The following ENTPD3 variants were observed in gnomAD, a reference collection of about 807,000 sequenced individuals.
The protein encoded by ENTPD3 is CD39 antigen-like 3.
In ENTPD3, 60 loss-of-function variants were observed where a neutral mutation model predicts 51.2. The ratio of observed to expected loss-of-function variants is 1.17; its 90% CI spans 0.95 to 1.45. ENTPD3 has a LOEUF of 1.45. Ranked by LOEUF, ENTPD3 falls within the 40% of genes most tolerant of loss-of-function variation. ENTPD3 has a pLI of 0.00. For missense variants in ENTPD3, 593 were observed against 641.1 expected (o/e 0.93, Z 0.81); for synonymous variants, 221 against 238.4 (o/e 0.93, Z 0.67).
At chr3:40,402,839 G>A (rs1955399061) in intron 4 of ENTPD3, among the ~76,000 whole-genome samples, 2 of 152,012 alleles carry the variant, frequency 1.3e-5, no homozygotes, top group South Asian at 2.1e-4. Flanking sequence ...TTATAATTTT[G>A]CCTTTTACAA....
intron 4 of ENTPD3, among the ~76,000 whole-genome samples, chr3:40,406,926 C>T (rs1006934767): frequency 1.3e-5 from 2 of 152,178 alleles, no homozygotes; most frequent in East Asian, 1.9e-4. Context: ...CCTTGGTTTA[C>T]GATGGTTCTG....
intron 3 of ENTPD3, among the ~76,000 whole-genome samples, chr3:40,392,871 G>C (rs1955097327): frequency 6.6e-6 from 1 of 151,982 alleles, no homozygotes; most frequent in Admixed American, 6.6e-5. Flanking sequence ...CCTAGGCTGA[G>C]TGAACAAAAA....
At chr3:40,397,119 C>CTTTTTTTTTTTTTTTTTT (rs3064608) in intron 3 of ENTPD3, among the ~76,000 whole-genome samples, 2 of 101,244 alleles carry the variant, frequency 2.0e-5, no homozygotes, top group African/African-American at 3.7e-5. Context: ...TAATTAGTTT[C>CTTTTTTTTTTTTTTTTTT]TTTTTTTTTT....
intron 5 of ENTPD3, among the ~76,000 whole-genome samples, chr3:40,412,415 G>A (rs894423937): frequency 6.6e-6 from 1 of 152,168 alleles, no homozygotes; most frequent in African/African-American, 2.4e-5. Context: ...ATCAGTCAAA[G>A]CTTTTGGAGT....
rs9883218 is a variant in ENTPD3 at position 40,398,045 on chromosome 3, T to C, written c.169-2849T>C. ...ACTGGTTAAAGACCATTTTTCCCAC[T>C]TTTGAAAATGTCAGTGAATGATGGT... is the stretch of plus-strand genomic sequence containing the variant. On this transcript the variant is annotated intron_variant, in intron 3 of 10. Transcript: ENST00000301825. 6.1e-3 allele frequency among the ~76,000 whole-genome samples: 928 copies of C among 152,264 alleles called. 8 individuals carry two copies. Among genetic ancestry groups the C allele is most frequent in the African/African-American group, 0.021 (877 of 41,526 alleles).
chr3:40,428,170 T>C lies in ENTPD3; in HGVS notation c.*662T>C, dbSNP rs1218602308. ...CCCACTTAGGGCTCTGGTCACTAGA[T>C]TGCAACCTGTGTGTTTGTCATCATC... On this transcript the variant is annotated 3_prime_UTR_variant, in exon 11 of 11. Coordinates refer to ENST00000301825, the MANE Select transcript of ENTPD3 (RefSeq NM_001248.4). 2 of 153,296 alleles carry C rather than the reference T, an allele frequency of 1.3e-5. No homozygotes were observed. The highest frequency in any genetic ancestry group is 2.9e-5 in the Non-Finnish European group (2 of 68,798). The allele number at this position is 153,296 out of a possible 1,614,324, so 9.5% of individuals were successfully genotyped here.
At chr3:40,389,925 T>A (rs1383141904) in intron 2 of ENTPD3, among the ~76,000 whole-genome samples, 2 of 152,212 alleles carry the variant, frequency 1.3e-5, no homozygotes, top group Admixed American at 1.3e-4. Context: ...ATCTATCCAA[T>A]TGCTGTTCAA....
intron 3 of ENTPD3, among the ~76,000 whole-genome samples, chr3:40,396,798 C>G (rs1174739076): frequency 6.6e-6 from 1 of 152,196 alleles, no homozygotes; most frequent in Non-Finnish European, 1.5e-5. Context: ...ATGATCAATA[C>G]TATTGTACTG....
intron 4 of ENTPD3, among the ~76,000 whole-genome samples, chr3:40,408,546 T>G (rs914149892): frequency 6.6e-6 from 1 of 152,256 alleles, no homozygotes; most frequent in Non-Finnish European, 1.5e-5. Flanking sequence ...ATGTTCAGCA[T>G]AGTTTTGTTG....
chr3:40,397,276 C>A (rs1955228003), intron 3 of ENTPD3, among the ~76,000 whole-genome samples: 1 of 151,838 alleles, frequency 6.6e-6, no homozygotes, highest in African/African-American at 2.4e-5. Flanking sequence ...ACTGAACAGT[C>A]ATGCCATTAC....
chr3:40,420,985 C>A (rs935570402), intron 7 of ENTPD3, among the ~76,000 whole-genome samples: 2 of 151,386 alleles, frequency 1.3e-5, no homozygotes, highest in Admixed American at 1.3e-4. Context: ...GGAGACCCCA[C>A]CTCTACAAAA....
rs3064609 is a variant in ENTPD3, at chr3:40,420,680, CAT to C, written c.832-2167_832-2166del. ...GGGGCCTGTTTGCCTCCTTCTCAGT[CAT>C]ATGAAGATTTTTCTGGAAAACACTC... is the stretch of plus-strand genomic sequence containing the variant. On this transcript the variant is annotated intron_variant, in intron 7 of 10. Transcript: ENST00000301825. Among the ~76,000 whole-genome samples, 1,132 of 152,158 alleles carry C rather than the reference CAT, an allele frequency of 7.4e-3. 7 individuals carry two copies. Among genetic ancestry groups the C allele is most frequent in the Non-Finnish European group, 0.011 (753 of 68,008 alleles).
In ENTPD3 at chr3:40,423,398, T is replaced by C; in HGVS notation, c.1212T>C (p.Ser404=). Reference sequence around the variant, plus strand: ...GGAATTTCTGCTCACAGAATTGGAGTCAGGTCAGTATTTAAAGAGAAGGGA... The same window carrying C: ...GGAATTTCTGCTCACAGAATTGGAGCCAGGTCAGTATTTAAAGAGAAGGGA... The part of the protein sequence containing the change: ...STWNFCSQNW[S]QLPLLLPKFD... Residue 404 remains serine (S), a synonymous_variant, in exon 9 of 11, where the codon AGT becomes AGC. Coordinates refer to ENST00000301825, the MANE Select transcript of ENTPD3 (RefSeq NM_001248.4). 6.2e-7 allele frequency: 1 copy of C among 1,603,724 alleles called. No individual in the cohort carries two copies. Among genetic ancestry groups the C allele is most frequent in the Admixed American group, 1.7e-5 (1 of 59,936 alleles).
chr3:40,392,186 T>C, intron 3 of ENTPD3, 36 bp downstream of exon 3: 1 of 1,608,482 alleles, frequency 6.2e-7, no homozygotes, highest in Non-Finnish European at 8.5e-7. Flanking sequence ...AGGGAAGAAA[T>C]GAGCATAAAG....
intron 4 of ENTPD3, among the ~76,000 whole-genome samples, chr3:40,404,747 T>G (rs937454426): frequency 6.6e-6 from 1 of 152,196 alleles, no homozygotes; most frequent in Non-Finnish European, 1.5e-5. Flanking sequence ...GGCTTGTGGC[T>G]TCTCCAAGGA....
At chr3:40,425,983 A>G (rs1395060174) in intron 10 of ENTPD3, among the ~76,000 whole-genome samples, 4 of 151,786 alleles carry the variant, frequency 2.6e-5, no homozygotes, top group Non-Finnish European at 5.9e-5. Flanking sequence ...CATATGACTC[A>G]AGTATAGAAA....
chr3:40,426,457 G>C lies in ENTPD3; in HGVS notation c.1354-815G>C, dbSNP rs72863266. On this transcript the variant is annotated intron_variant, in intron 10 of 10. Transcript: ENST00000301825. ...AAGAAAAAATATATATAGAAAAATAGCACTAATTGAAAATTTAAAAGTAAG... is the reference window on the plus strand; with the variant it reads ...AAGAAAAAATATATATAGAAAAATACCACTAATTGAAAATTTAAAAGTAAG... Among the ~76,000 whole-genome samples the C allele has an allele frequency of 7.2e-3, 1,100 of 152,042 alleles. 12 individuals are homozygous for C. Among genetic ancestry groups the C allele is most frequent in the African/African-American group, 0.023 (967 of 41,488 alleles).
At chr3:40,395,092 G>A (rs1270405888) in intron 3 of ENTPD3, among the ~76,000 whole-genome samples, 1 of 152,204 alleles carries the variant, frequency 6.6e-6, no homozygotes, top group Non-Finnish European at 1.5e-5. Context: ...TAGCTGTGTG[G>A]TCTGAACTGT....
chr3:40,422,887 A>G lies in ENTPD3; in HGVS notation c.869A>G (p.Tyr290Cys), dbSNP rs1559518994. ...PTKNHLTNPC[Y>C]PRDYSISFTM... ...AAAAACCATCTCACCAATCCCTGTT[A>G]CCCTCGGGATTATAGCATCAGCTTC... Residue 290 changes from tyrosine to cysteine, a missense_variant, in exon 8 of 11, where the codon TAC becomes TGC. Coordinates refer to ENST00000301825, the MANE Select transcript of ENTPD3 (RefSeq NM_001248.4). The G allele has an allele frequency of 1.2e-6, 2 of 1,613,460 alleles. No homozygotes were observed. The highest frequency in any genetic ancestry group is 4.5e-5 in the East Asian group (2 of 44,856).
Sources: gnomAD v4.1 joint callset for allele counts (sites outside exome capture counted in the v4.1 genomes callset) on GRCh38, gnomAD v4.1.1 for gene constraint, MANE v1.5 for transcripts, NCBI Gene and HGNC (gene_info 2026-07-23, HGNC 2026-07-21) for gene names.